Variants in PABPC4L observed in about 807,000 individuals in gnomAD.
PABPC4L encodes poly(A) binding protein cytoplasmic 4 like, also known as polyadenylate-binding protein 4-like.
For synonymous variants in PABPC4L, 169 were observed against 164.1 expected, an observed-to-expected ratio of 1.03 and a Z score of -0.23; for missense variants, 452 against 451.4, an observed-to-expected ratio of 1.00 and a Z score of -0.01.
chr4:134,054,192 T>C, the PABPC4L span, among the ~76,000 whole-genome samples: 4 of 148,558 alleles, frequency 2.7e-5, no homozygotes, highest in African/African-American at 7.3e-5. Context: ...TTTTTAACTA[T>C]ATTGCCTGTG....
the PABPC4L span, among the ~76,000 whole-genome samples, chr4:134,159,270 A>G: frequency 6.6e-6 from 1 of 152,194 alleles, no homozygotes; most frequent in Non-Finnish European, 1.5e-5. Context: ...ATGGCCAAAT[A>G]GTGACCACCC....
At chr4:134,034,739 C>T in the PABPC4L span, among the ~76,000 whole-genome samples, 2 of 152,014 alleles carry the variant, frequency 1.3e-5, no homozygotes, top group East Asian at 3.9e-4. Context: ...ACAATATCAG[C>T]ATAAAACTTG....
the PABPC4L span, among the ~76,000 whole-genome samples, chr4:133,952,207 TG>T: frequency 6.6e-6 from 1 of 152,138 alleles, no homozygotes; most frequent in Non-Finnish European, 1.5e-5. Flanking sequence ...CAAATAAGTC[TG>T]GGGCTTCCAT....
At chr4:133,953,504 G>C in the PABPC4L span, among the ~76,000 whole-genome samples, 1 of 152,058 alleles carries the variant, frequency 6.6e-6, no homozygotes, top group African/African-American at 2.4e-5. Context: ...TGCCCTACTG[G>C]GTCCTTTGTA....
chr4:134,148,969 A>G, the PABPC4L span, among the ~76,000 whole-genome samples: 3 of 152,118 alleles, frequency 2.0e-5, no homozygotes, highest in Non-Finnish European at 4.4e-5. Flanking sequence ...AAAAGCAAAA[A>G]TATTCTCAAT....
At chr4:133,993,234 T>C in the PABPC4L span, among the ~76,000 whole-genome samples, 1 of 152,154 alleles carries the variant, frequency 6.6e-6, no homozygotes, top group Non-Finnish European at 1.5e-5. Flanking sequence ...ATATTCCCCC[T>C]TTTTTGTTTT....
chr4:134,159,548 G>A, the PABPC4L span, among the ~76,000 whole-genome samples: 1 of 152,104 alleles, frequency 6.6e-6, no homozygotes, highest in Non-Finnish European at 1.5e-5. Context: ...CTATCATAGG[G>A]CAGAATTCTG....
chr4:134,189,281 T>G, the PABPC4L span, among the ~76,000 whole-genome samples: 2 of 151,360 alleles, frequency 1.3e-5, no homozygotes, highest in Non-Finnish European at 1.5e-5. Context: ...ATTGTTGTCA[T>G]AGTTGAGTCT....
the PABPC4L span, among the ~76,000 whole-genome samples, chr4:134,124,205 G>A: frequency 1.3e-5 from 2 of 152,142 alleles, no homozygotes; most frequent in African/African-American, 4.8e-5. Context: ...AACTAAAACA[G>A]AGTCAAGAGG....
chr4:134,093,782 G>T, the PABPC4L span, among the ~76,000 whole-genome samples: 2 of 151,156 alleles, frequency 1.3e-5, no homozygotes, highest in East Asian at 3.9e-4. Context: ...AGTCATTTGG[G>T]TCTAATTTCT....
chr4:134,158,013 C>T, the PABPC4L span, among the ~76,000 whole-genome samples: 2 of 151,806 alleles, frequency 1.3e-5, no homozygotes, highest in Admixed American at 6.6e-5. Context: ...AGAATAATGG[C>T]TATATTTATA....
the PABPC4L span, among the ~76,000 whole-genome samples, chr4:134,124,849 G>A: frequency 6.6e-6 from 1 of 152,034 alleles, no homozygotes; most frequent in African/African-American, 2.4e-5. Context: ...GCAACACCAT[G>A]CCTCATGGGT....
the PABPC4L span, among the ~76,000 whole-genome samples, chr4:133,954,592 G>A: frequency 1.6e-4 from 24 of 151,946 alleles, no homozygotes; most frequent in Middle Eastern, 3.4e-3. Flanking sequence ...AATATCAAAG[G>A]GGTCTCTTTA....
Position 134,200,748 on chromosome 4 carries a change from T to C in PABPC4L, c.272A>G (p.Tyr91Cys), listed in dbSNP as rs1462203581. The change falls in exon 2 of 2, where the codon TAC becomes TGC. Residue 91 changes from tyrosine (Y) to cysteine (C), a missense_variant. Transcript: ENST00000421491. ...GTTCCCAATTCCAGATCTCCTCAAGTAGGCATCGCGCTGAGACCACATGAG... is the reference window on the plus strand; with the variant it reads ...GTTCCCAATTCCAGATCTCCTCAAGCAGGCATCGCGCTGAGACCACATGAG... ...IRLMWSQRDA[Y>C]LRRSGIGNVF... The C allele has an allele frequency of 1.9e-6, 3 of 1,551,722 alleles. No homozygotes were observed. The highest frequency in any genetic ancestry group is 1.4e-5 in the African/African-American group (1 of 73,156).
At chr4:134,178,777 C>T in the PABPC4L span, among the ~76,000 whole-genome samples, 1 of 151,994 alleles carries the variant, frequency 6.6e-6, no homozygotes, top group East Asian at 1.9e-4. Context: ...GCAGTATCAA[C>T]TGAGTTGAGA....
chr4:133,977,625 C>T, the PABPC4L span, among the ~76,000 whole-genome samples: 3 of 152,086 alleles, frequency 2.0e-5, no homozygotes, highest in African/African-American at 7.2e-5. Flanking sequence ...AGGTCCTTCA[C>T]TTCCCTTGTT....
chr4:133,963,758 TA>T, the PABPC4L span, among the ~76,000 whole-genome samples: 1 of 152,016 alleles, frequency 6.6e-6, no homozygotes, highest in Non-Finnish European at 1.5e-5. Context: ...GATGAAAATT[TA>T]AAAATTCTTC....
At chr4:133,973,637 A>C in the PABPC4L span, among the ~76,000 whole-genome samples, 19 of 152,254 alleles carry the variant, frequency 1.2e-4, no homozygotes, top group Admixed American at 4.6e-4. Context: ...TGGAGATCCC[A>C]AAACTCCACA....
At chr4:134,041,953 A>G in the PABPC4L span, among the ~76,000 whole-genome samples, 1 of 152,156 alleles carries the variant, frequency 6.6e-6, no homozygotes, top group Non-Finnish European at 1.5e-5. Flanking sequence ...GAAATCAAAA[A>G]GACATCTGCA....
Sources: allele counts gnomAD v4.1 joint callset (sites outside exome capture counted in the v4.1 genomes callset), GRCh38; gene constraint gnomAD v4.1.1; transcripts MANE v1.5; gene names NCBI Gene and HGNC (gene_info 2026-07-23, HGNC 2026-07-21).